XRCC4: variants seen among roughly 807,000 people sequenced by gnomAD.
The protein encoded by XRCC4 is DNA repair protein XRCC4.
XRCC4 carries 28 observed loss-of-function variants against 39.1 expected under a neutral mutation model. That is an observed-to-expected ratio of 0.72 (90% CI 0.53 to 0.98). The LOEUF is 0.98. Ranked by LOEUF, XRCC4 falls within the 50% of genes least tolerant of loss-of-function variation. The pLI is 0.00. For synonymous variants in XRCC4, 123 were observed against 126.4 expected, an observed-to-expected ratio of 0.97 and a Z score of 0.18; for missense variants, 350 against 376.4, an observed-to-expected ratio of 0.93 and a Z score of 0.58.
intron 3 of XRCC4, among the ~76,000 whole-genome samples, chr5:83,138,629 G>A (rs753062378): frequency 5.3e-5 from 8 of 151,950 alleles, no homozygotes; most frequent in Non-Finnish European, 1.2e-4. Context: ...TTTAATTAAT[G>A]CATATTATGT....
rs34524513 is a variant in XRCC4, at chr5:83,118,044, C to CCACA, written c.315+6872_315+6875dup. Among the ~76,000 whole-genome samples, 307 of 118,520 alleles carry CCACA rather than the reference C, an allele frequency of 2.6e-3. 2 individuals are homozygous for CCACA. The highest frequency in any genetic ancestry group is 0.02 in the East Asian group (92 of 4,716). 77.8% of individuals were successfully genotyped at this position (118,520 alleles called of 152,430 possible). On this transcript the variant is annotated intron_variant, in intron 3 of 7. Coordinates refer to ENST00000396027, the MANE Select transcript of XRCC4 (RefSeq NM_003401.5). ...TATATATGTGTATGTATATACATCT[C>CCACA]CACACACACACACACACACACACAC... is the stretch of plus-strand genomic sequence containing the variant.
chr5:83,272,141 G>A (rs1282832972), intron 7 of XRCC4, among the ~76,000 whole-genome samples: 1 of 152,038 alleles, frequency 6.6e-6, no homozygotes, highest in East Asian at 1.9e-4. Flanking sequence ...TATTTAACTC[G>A]AAGACCATTT....
At chr5:83,112,162 C>T (rs991582480) in intron 3 of XRCC4, among the ~76,000 whole-genome samples, 3 of 152,028 alleles carry the variant, frequency 2.0e-5, no homozygotes, top group South Asian at 2.1e-4. Flanking sequence ...TTCTAATTAG[C>T]TGCCAATTTA....
chr5:83,164,529 TAATA>T (rs902210286), intron 3 of XRCC4, among the ~76,000 whole-genome samples: 7 of 152,102 alleles, frequency 4.6e-5, no homozygotes, highest in African/African-American at 1.7e-4. Flanking sequence ...ATGGTGACTA[TAATA>T]ATAGTGTATT....
chr5:83,190,933 T>A (rs564401403), intron 3 of XRCC4, among the ~76,000 whole-genome samples: 1 of 152,344 alleles, frequency 6.6e-6, no homozygotes, highest in South Asian at 2.1e-4. Context: ...ATGTCTTTAT[T>A]TCTTTATTTG....
chr5:83,170,860 G>A (rs544355723), intron 3 of XRCC4, among the ~76,000 whole-genome samples: 2 of 152,078 alleles, frequency 1.3e-5, no homozygotes, highest in Non-Finnish European at 1.5e-5. Flanking sequence ...ATATACCAGC[G>A]GGCGGGAATC....
chr5:83,270,759 G>GAA (rs145444849), intron 7 of XRCC4, among the ~76,000 whole-genome samples: 4 of 139,956 alleles, frequency 2.9e-5, no homozygotes, highest in African/African-American at 1.1e-4. Flanking sequence ...TCATTTTTTC[G>GAA]AAAAAAAAAA....
intron 4 of XRCC4, chr5:83,201,759 T>G (rs1051726301): frequency 1.3e-5 from 2 of 152,838 alleles, no homozygotes; most frequent in African/African-American, 4.8e-5. Flanking sequence ...GACTGCCACG[T>G]CAGGCCAGGT....
At chr5:83,214,093 C>T in intron 6 of XRCC4, among the ~76,000 whole-genome samples, 1 of 152,148 alleles carries the variant, frequency 6.6e-6, no homozygotes, top group Non-Finnish European at 1.5e-5. Context: ...AAGACCACAG[C>T]TGTCACATAC....
At chr5:83,218,272 G>A (rs1245384903) in intron 6 of XRCC4, among the ~76,000 whole-genome samples, 4 of 132,188 alleles carry the variant, frequency 3.0e-5, no homozygotes, top group Non-Finnish European at 6.1e-5. Context: ...TATGCATGGT[G>A]ATAAAGATGG....
chr5:83,236,805 A>T (rs1461074265), intron 6 of XRCC4, among the ~76,000 whole-genome samples: 3 of 151,988 alleles, frequency 2.0e-5, no homozygotes, highest in Non-Finnish European at 4.4e-5. Context: ...TCAAATATTT[A>T]CAAATCACCC....
chr5:83,292,316 A>G (rs1388430225), intron 7 of XRCC4, among the ~76,000 whole-genome samples: 2 of 151,856 alleles, frequency 1.3e-5, no homozygotes, highest in Non-Finnish European at 2.9e-5. Flanking sequence ...GTTTCATGGA[A>G]TTTTGGAAAA....
intron 6 of XRCC4, among the ~76,000 whole-genome samples, chr5:83,231,517 A>T (rs1752494510): frequency 6.6e-6 from 1 of 151,782 alleles, no homozygotes; most frequent in South Asian, 2.1e-4. Context: ...GTTTAAGTTG[A>T]ATGATTCTTT....
At chr5:83,114,210 C>T (rs1746595969) in intron 3 of XRCC4, among the ~76,000 whole-genome samples, 2 of 152,174 alleles carry the variant, frequency 1.3e-5, no homozygotes, top group Non-Finnish European at 2.9e-5. Context: ...ATGGGAGGGG[C>T]TCCTGTGAAC....
At chr5:83,305,487 T>C (rs780116013) in intron 7 of XRCC4, among the ~76,000 whole-genome samples, 1 of 152,172 alleles carries the variant, frequency 6.6e-6, no homozygotes, top group Non-Finnish European at 1.5e-5. Flanking sequence ...AAATGTGTTA[T>C]GTTTCCCAAA....
At chr5:83,162,771 A>G (rs1399424045) in intron 3 of XRCC4, among the ~76,000 whole-genome samples, 1 of 152,218 alleles carries the variant, frequency 6.6e-6, no homozygotes, top group East Asian at 1.9e-4. Context: ...CGATGGGAAC[A>G]GAGGACTTTC....
At chr5:83,228,906 C>T (rs1040882436) in intron 6 of XRCC4, among the ~76,000 whole-genome samples, 3 of 151,964 alleles carry the variant, frequency 2.0e-5, no homozygotes, top group African/African-American at 4.8e-5. Flanking sequence ...ATGCTCCTTA[C>T]GATCCCTGTA....
chr5:83,353,164 G>T lies in XRCC4; in HGVS notation c.927G>T (p.Lys309Asn), dbSNP rs1156437532. The change falls in exon 8 of 8, where the codon AAG becomes AAT. Residue 309 changes from lysine to asparagine, a missense_variant. By Grantham distance (94) the Lys-to-Asn change is moderately conservative. Coordinates refer to ENST00000396027, the MANE Select transcript of XRCC4 (RefSeq NM_003401.5). Reference protein sequence around the residue: ...PDSSLPETSKKEHISAENMSL... With the variant: ...PDSSLPETSKNEHISAENMSL... ...CTTCACTACCTGAGACGTCTAAAAA[G>T]GAGCACATCTCAGCTGAAAACATGT... The T allele has an allele frequency of 6.2e-7, 1 of 1,611,528 alleles. No individual in the cohort carries two copies. Among genetic ancestry groups the T allele is most frequent in the Non-Finnish European group, 8.5e-7 (1 of 1,178,896 alleles).
intron 3 of XRCC4, among the ~76,000 whole-genome samples, chr5:83,128,373 T>C (rs986019322): frequency 2.0e-5 from 3 of 152,182 alleles, no homozygotes; most frequent in African/African-American, 7.2e-5. Flanking sequence ...CAGTCTATCA[T>C]TGATGGACAT....
Sources: gnomAD v4.1 joint callset for allele counts (sites outside exome capture counted in the v4.1 genomes callset) on GRCh38, gnomAD v4.1.1 for gene constraint, MANE v1.5 for transcripts, NCBI Gene and HGNC (gene_info 2026-07-23, HGNC 2026-07-21) for gene names.